PPP5C: variants seen among roughly 807,000 people sequenced by gnomAD.
The protein encoded by PPP5C is serine/threonine-protein phosphatase 5.
In PPP5C, 21 loss-of-function variants were observed where a neutral mutation model predicts 66.7. The observed-to-expected ratio is 0.31, with a 90% CI of 0.22 to 0.45. The LOEUF (loss-of-function observed/expected upper bound fraction) is 0.45. PPP5C is among the 20% of genes least tolerant of loss of function. The pLI is 1.00. For missense variants in PPP5C, 464 were observed against 675.9 expected, an observed-to-expected ratio of 0.69 and a Z score of 3.48; for synonymous variants, 246 against 257.4, an observed-to-expected ratio of 0.96 and a Z score of 0.43.
At chr19:46,359,652 AATTT>A (rs1410760347) in intron 2 of PPP5C, among the ~76,000 whole-genome samples, 1 of 152,176 alleles carries the variant, frequency 6.6e-6, no homozygotes, top group Non-Finnish European at 1.5e-5. Context: ...TAGCAAGACC[AATTT>A]ATTCTCAAAA....
chr19:46,387,036 G>T, intron 7 of PPP5C, 57 bp from the exon 8 acceptor site: 2 of 1,612,780 alleles, frequency 1.2e-6, no homozygotes, highest in Non-Finnish European at 1.7e-6. Context: ...GTGCCAGGCT[G>T]GAGGACACTG....
At chr19:46,366,369 A>G (rs1456079936) in intron 2 of PPP5C, among the ~76,000 whole-genome samples, 6 of 151,928 alleles carry the variant, frequency 3.9e-5, no homozygotes, top group Non-Finnish European at 7.4e-5. Context: ...TTTTAGAGAC[A>G]GAATTTTACT....
chr19:46,366,767 TGTGAGTTACG>T (rs1467538481), intron 2 of PPP5C, among the ~76,000 whole-genome samples: 13 of 152,116 alleles, frequency 8.5e-5, no homozygotes, highest in Admixed American at 5.9e-4. Flanking sequence ...AACTAGAGGG[TGTGAGTTACG>T]GTGTCTGTGG....
At chr19:46,366,538 G>T (rs914039517) in intron 2 of PPP5C, among the ~76,000 whole-genome samples, 1 of 152,068 alleles carries the variant, frequency 6.6e-6, no homozygotes, top group African/African-American at 2.4e-5. Flanking sequence ...TAGAGATGGG[G>T]TCTTGCTGTG....
In PPP5C at chr19:46,390,653, T is replaced by C; in HGVS notation, c.*307T>C. 3 of 1,263,000 alleles carry C rather than the reference T, an allele frequency of 2.4e-6. No homozygotes were observed. In the African/African-American group the frequency reaches 4.7e-5, roughly 20 times the overall value. The allele number at this position is 1,263,000 out of a possible 1,614,324, so 78.2% of individuals were successfully genotyped here. A position where few individuals can be genotyped will look rare whatever the true frequency, so the allele number is the denominator to read the frequency against. On this transcript the variant is annotated 3_prime_UTR_variant, in exon 13 of 13. Coordinates refer to ENST00000012443, the MANE Select transcript of PPP5C (RefSeq NM_006247.4). Reference sequence around the variant, plus strand: ...GGGCCGAGTGGCTGCCCTGCCCCCCTCATTTGCATGGCTCCTCCCCCACTC... The same window carrying C: ...GGGCCGAGTGGCTGCCCTGCCCCCCCCATTTGCATGGCTCCTCCCCCACTC...
chr19:46,370,772 G>T (rs1170848578), intron 2 of PPP5C, among the ~76,000 whole-genome samples: 1 of 151,678 alleles, frequency 6.6e-6, no homozygotes, highest in African/African-American at 2.4e-5. Flanking sequence ...GATGGGTCTT[G>T]CTCTGTCGCC....
chr19:46,373,539 C>G (rs1337219703), intron 2 of PPP5C, among the ~76,000 whole-genome samples: 1 of 152,240 alleles, frequency 6.6e-6, no homozygotes, highest in African/African-American at 2.4e-5. Context: ...CTTTCTCCTC[C>G]CTGCGCTGTC....
chr19:46,365,977 A>G (rs992008603), intron 2 of PPP5C, among the ~76,000 whole-genome samples: 2 of 152,180 alleles, frequency 1.3e-5, no homozygotes, highest in Non-Finnish European at 2.9e-5. Context: ...TTGCTCATAG[A>G]CAAAGATGGA....
chr19:46,375,164 A>G (rs1972669422), intron 2 of PPP5C, among the ~76,000 whole-genome samples: 1 of 152,172 alleles, frequency 6.6e-6, no homozygotes, highest in Non-Finnish European at 1.5e-5. Context: ...CATGTCGTCC[A>G]GCAAGTCATT....
At chr19:46,363,307 CAAAAAAAAAAAAAAAAAAAAAAAAA>C (rs1158423038) in intron 2 of PPP5C, among the ~76,000 whole-genome samples, 3 of 27,948 alleles carry the variant, frequency 1.1e-4, no homozygotes, top group African/African-American at 3.7e-4. Context: ...GACTCCATCT[CAAAAAAAAAAAAAAAAAAAAAAAAA>C]AAAAAAAAAA....
At chr19:46,379,078 G>A in intron 4 of PPP5C, among the ~76,000 whole-genome samples, 1 of 151,968 alleles carries the variant, frequency 6.6e-6, no homozygotes, top group East Asian at 1.9e-4. Flanking sequence ...TTTTTGAGAC[G>A]GAGTCTCATT....
chr19:46,388,120 G>C lies in PPP5C; in HGVS notation c.1136-288G>C. On this transcript the variant is annotated intron_variant, in intron 9 of 12. Transcript: ENST00000012443. This position sits in a 1 kb window ranked among gnomAD's most constrained non-coding sequence, Gnocchi z 4.9. ...GCAGTGCGGAGCCACCAAAGGCTTT[G>C]AGTGGGAGAGGGGCCTGATCTGAAT... The C allele has an allele frequency of 2.4e-6, 1 of 411,234 alleles. No individual in the cohort carries two copies. The highest frequency in any genetic ancestry group is 4.4e-6 in the Non-Finnish European group (1 of 228,118). 25.5% of individuals were successfully genotyped at this position (411,234 alleles called of 1,614,324 possible).
rs1377645296 is a variant in PPP5C, at chr19:46,383,154, A to G, written c.634-257A>G. 1.4e-6 allele frequency: 2 copies of G among 1,438,852 alleles called. No individual in the cohort carries two copies. Among genetic ancestry groups the G allele is most frequent in the African/African-American group, 2.8e-5 (2 of 70,324 alleles). 89.1% of individuals were successfully genotyped at this position (1,438,852 alleles called of 1,614,324 possible). A position where few individuals can be genotyped will look rare whatever the true frequency, so the allele number is the denominator to read the frequency against. ...CATGTATTTCCACTTGATGCTGAGTATTTTAAGATAATTCAAGAATCAGGT... is the reference window on the plus strand; with the variant it reads ...CATGTATTTCCACTTGATGCTGAGTGTTTTAAGATAATTCAAGAATCAGGT... On this transcript the variant is annotated intron_variant, in intron 4 of 12. Transcript: ENST00000012443. This position sits in a 1 kb window ranked among gnomAD's most constrained non-coding sequence, Gnocchi z 5.0.
intron 9 of PPP5C, 98 bp downstream of exon 9, chr19:46,387,551 C>A (rs1312094187): frequency 6.3e-7 from 1 of 1,599,714 alleles, no homozygotes; most frequent in East Asian, 2.3e-5. Flanking sequence ...GGGCTTTGTG[C>A]CCTTGGCAAG....
At chr19:46,353,080 T>A (rs1467811573) in intron 1 of PPP5C, among the ~76,000 whole-genome samples, 1 of 152,062 alleles carries the variant, frequency 6.6e-6, no homozygotes, top group Non-Finnish European at 1.5e-5. Flanking sequence ...GAGGGAGGGA[T>A]CAAGCCTGGC....
At chr19:46,390,215 G>A (rs923702554) in intron 12 of PPP5C, 69 bp from the exon 13 acceptor site, 1 of 1,605,780 alleles carries the variant, frequency 6.2e-7, no homozygotes, top group Non-Finnish European at 8.5e-7. Context: ...GGCAGGGGTA[G>A]GTTCTGCCGG....
chr19:46,380,287 T>C (rs1467740473), intron 4 of PPP5C, among the ~76,000 whole-genome samples: 3 of 151,268 alleles, frequency 2.0e-5, no homozygotes, highest in Admixed American at 2.0e-4. Context: ...GCCACTGCAC[T>C]CCAGCCTGGG....
intron 2 of PPP5C, among the ~76,000 whole-genome samples, chr19:46,362,949 G>A (rs564614457): frequency 6.5e-4 from 97 of 148,586 alleles, no homozygotes; most frequent in African/African-American, 2.2e-3. Flanking sequence ...CACCACACCC[G>A]GCTAATTTTT....
intron 2 of PPP5C, among the ~76,000 whole-genome samples, chr19:46,361,879 A>T (rs892753158): frequency 1.1e-4 from 17 of 152,294 alleles, no homozygotes; most frequent in Non-Finnish European, 1.9e-4. Context: ...TTATAAACAA[A>T]TCTATCCAAT....
Sources: allele counts gnomAD v4.1 joint callset (sites outside exome capture counted in the v4.1 genomes callset), GRCh38; gene constraint gnomAD v4.1.1; non-coding constraint Gnocchi (gnomAD v3.1); transcripts MANE v1.5; gene names NCBI Gene and HGNC (gene_info 2026-07-23, HGNC 2026-07-21).